NAV3: variants seen among roughly 807,000 people sequenced by gnomAD.
The protein encoded by NAV3 is pore membrane and/or filament interacting like protein 1.
NAV3 carries 87 observed loss-of-function variants against 244.7 expected under a neutral mutation model. The observed-to-expected ratio is 0.36, with a 90% CI of 0.30 to 0.42. The LOEUF is 0.42. NAV3 is among the 20% of genes least tolerant of loss of function. The probability of loss-of-function intolerance (pLI) is 1.00; values close to 1 mark genes in which losing one functional copy is unlikely to be tolerated. For synonymous variants in NAV3, 1,126 were observed against 1,042.2 expected (o/e 1.08, Z -1.55); for missense variants, 2,663 against 2,893.3 (o/e 0.92, Z 1.83).
chr12:77,741,220 C>T (rs113161191), intron 2 of NAV3, among the ~76,000 whole-genome samples: 262 of 141,994 alleles, frequency 1.8e-3, no homozygotes, highest in African/African-American at 6.5e-3. Context: ...GAGAAGGAAG[C>T]GGGGGGAAGG....
At chr12:77,838,976 C>T (rs1875142402) in intron 1 of NAV3, among the ~76,000 whole-genome samples, 1 of 152,118 alleles carries the variant, frequency 6.6e-6, no homozygotes, top group Non-Finnish European at 1.5e-5. Flanking sequence ...ATTAGTGATC[C>T]CATTTCTCAT....
At position 77,979,210 on chromosome 12, in the gene NAV3, C is replaced by CA. The variant is rs1869071977; in HGVS notation, c.671+10514dup. 6.1e-5 allele frequency among the ~76,000 whole-genome samples: 5 copies of CA among 81,838 alleles called. No individual in the cohort carries two copies. In the South Asian group the frequency reaches 2.5e-3, roughly 42 times the overall value. 53.7% of individuals were successfully genotyped at this position (81,838 alleles called of 152,430 possible). A position where few individuals can be genotyped will look rare whatever the true frequency, so the allele number is the denominator to read the frequency against. On this transcript the variant is annotated intron_variant, in intron 5 of 39. Coordinates refer to ENST00000397909, the MANE Select transcript of NAV3 (RefSeq NM_001024383.2). Reference sequence around the variant, plus strand: ...TCAACACTGTGAGACCTACTCTCTACAAAAAATACAATACAAAAAAAAAAA... The same window carrying CA: ...TCAACACTGTGAGACCTACTCTCTACAAAAAAATACAATACAAAAAAAAAAA...
At chr12:77,809,302 A>T (rs190130266) in intron 2 of NAV3, among the ~76,000 whole-genome samples, 3 of 152,318 alleles carry the variant, frequency 2.0e-5, no homozygotes, top group Non-Finnish European at 4.4e-5. Flanking sequence ...GTGGTGGTGT[A>T]GGCACCTGAG....
At chr12:78,161,623 T>C (rs1957549891) in intron 23 of NAV3, among the ~76,000 whole-genome samples, 1 of 152,106 alleles carries the variant, frequency 6.6e-6, no homozygotes, top group Admixed American at 6.6e-5. Context: ...GTCTACATTA[T>C]CCTTAAAATA....
intron 9 of NAV3, 51 bp downstream of exon 9, chr12:78,021,913 C>T (rs756019056): frequency 1.6e-5 from 18 of 1,143,120 alleles, no homozygotes; most frequent in South Asian, 6.7e-5. Flanking sequence ...TCCGTATTCT[C>T]TCCATAAGAC....
At chr12:78,132,605 A>T (rs1211904855) in intron 18 of NAV3, among the ~76,000 whole-genome samples, 2 of 152,192 alleles carry the variant, frequency 1.3e-5, no homozygotes, top group Non-Finnish European at 2.9e-5. Context: ...TATTAGGTGC[A>T]AACCCTGGGC....
At chr12:78,167,879 CTTTT>C (rs890835369) in intron 23 of NAV3, among the ~76,000 whole-genome samples, 1 of 151,236 alleles carries the variant, frequency 6.6e-6, no homozygotes, top group Non-Finnish European at 1.5e-5. Context: ...TTCTTTCTAT[CTTTT>C]TTTGAGTTAT....
chr12:77,756,060 T>A (rs973770067), intron 2 of NAV3, among the ~76,000 whole-genome samples: 2 of 152,174 alleles, frequency 1.3e-5, no homozygotes, highest in Admixed American at 1.3e-4. Flanking sequence ...ATTACACTTA[T>A]CTTTTTGTAC....
chr12:78,062,848 A>C (rs2137474936), intron 12 of NAV3, among the ~76,000 whole-genome samples: 1 of 152,280 alleles, frequency 6.6e-6, no homozygotes, highest in South Asian at 2.1e-4. Flanking sequence ...GTAAATGATA[A>C]GGCTTGCAAT....
intron 9 of NAV3, among the ~76,000 whole-genome samples, chr12:78,026,502 T>C (rs969348781): frequency 6.6e-6 from 1 of 152,192 alleles, no homozygotes; most frequent in African/African-American, 2.4e-5. Flanking sequence ...TTCATTATAG[T>C]ATATTTTTGG....
intron 3 of NAV3, among the ~76,000 whole-genome samples, chr12:77,957,919 G>A (rs889267614): frequency 5.9e-5 from 9 of 152,118 alleles, no homozygotes; most frequent in Non-Finnish European, 1.2e-4. Context: ...GCCCGCCTTG[G>A]CCTCCCTAAG....
chr12:78,069,431 T>C (rs1952641211), intron 12 of NAV3, among the ~76,000 whole-genome samples: 1 of 152,048 alleles, frequency 6.6e-6, no homozygotes, highest in Admixed American at 6.6e-5. Flanking sequence ...TGCATTAAGA[T>C]ATTTCCTTCT....
intron 5 of NAV3, among the ~76,000 whole-genome samples, chr12:77,984,043 G>GC (rs1870038119): frequency 6.6e-6 from 1 of 152,152 alleles, no homozygotes; most frequent in Admixed American, 6.5e-5. Flanking sequence ...GTTTTGAAAG[G>GC]CTCACCCTGT....
chr12:77,919,597 T>C (rs1274095457), intron 1 of NAV3, among the ~76,000 whole-genome samples: 4 of 152,084 alleles, frequency 2.6e-5, no homozygotes, highest in East Asian at 1.9e-4. Context: ...CCAAAGTCTG[T>C]AATTTAGCTT....
chr12:77,752,808 C>T (rs1868928324), intron 2 of NAV3, among the ~76,000 whole-genome samples: 1 of 152,164 alleles, frequency 6.6e-6, no homozygotes, highest in Non-Finnish European at 1.5e-5. Flanking sequence ...CCTCATCTCT[C>T]AAAATTGAAT....
chr12:78,027,667 A>T (rs1356072849), intron 9 of NAV3, among the ~76,000 whole-genome samples: 2 of 152,176 alleles, frequency 1.3e-5, no homozygotes, highest in East Asian at 1.9e-4. Flanking sequence ...GGGAAAAAAT[A>T]GTCTGTCAGC....
chr12:78,132,509 G>T (rs1016363304), intron 18 of NAV3, among the ~76,000 whole-genome samples: 1 of 152,100 alleles, frequency 6.6e-6, no homozygotes, highest in Non-Finnish European at 1.5e-5. Context: ...TCCTGGGGTT[G>T]CTCATCTTAA....
chr12:77,866,545 A>G (rs1191700383), intron 1 of NAV3, among the ~76,000 whole-genome samples: 1 of 152,192 alleles, frequency 6.6e-6, no homozygotes, highest in Non-Finnish European at 1.5e-5. Context: ...CTCCTATCCC[A>G]CATCAAGACT....
chr12:78,000,499 A>ATTT (rs1202996900), intron 7 of NAV3, among the ~76,000 whole-genome samples: 56 of 103,292 alleles, frequency 5.4e-4, no homozygotes, highest in African/African-American at 1.1e-3. Flanking sequence ...CACTTAAAAC[A>ATTT]TTTTTTTTTT....
Sources: gnomAD v4.1 joint callset for allele counts (sites outside exome capture counted in the v4.1 genomes callset) on GRCh38, gnomAD v4.1.1 for gene constraint, MANE v1.5 for transcripts, NCBI Gene and HGNC (gene_info 2026-07-23, HGNC 2026-07-21) for gene names.